The following BCAT1 variants were observed in gnomAD, a reference collection of about 807,000 sequenced individuals.
BCAT1 encodes branched chain amino acid transaminase 1, also known as branched-chain-amino-acid aminotransferase, cytosolic.
A neutral mutation model predicts 52.4 loss-of-function variants in BCAT1; 48 were observed. The ratio of observed to expected loss-of-function variants is 0.92; its 90% CI spans 0.73 to 1.16. BCAT1 has a LOEUF of 1.16. Ranked by LOEUF, BCAT1 falls within the 50% of genes most tolerant of loss-of-function variation. BCAT1 has a pLI of 0.00. For missense variants in BCAT1, 451 were observed against 457.1 expected (o/e 0.99, Z 0.12); for synonymous variants, 167 against 161.3 (o/e 1.04, Z -0.27).
chr12:24,892,129 C>T (rs1258014128), intron 3 of BCAT1, among the ~76,000 whole-genome samples: 1 of 151,378 alleles, frequency 6.6e-6, no homozygotes, highest in Non-Finnish European at 1.5e-5. Context: ...ATGTTGCAGC[C>T]CAGTAGGTCT....
intron 5 of BCAT1, among the ~76,000 whole-genome samples, chr12:24,854,261 T>G (rs1591809652): frequency 6.6e-6 from 1 of 152,230 alleles, no homozygotes; most frequent in Non-Finnish European, 1.5e-5. Flanking sequence ...TGTTTTGGCC[T>G]AGAAGCCAGA....
intron 5 of BCAT1, among the ~76,000 whole-genome samples, chr12:24,856,571 A>G (rs943886488): frequency 6.6e-6 from 1 of 152,186 alleles, no homozygotes; most frequent in African/African-American, 2.4e-5. Context: ...GGCCAGATAG[A>G]GGAAAGGCCC....
chr12:24,845,133 A>G (rs4963811), intron 6 of BCAT1, among the ~76,000 whole-genome samples: 145,723 of 150,896 alleles, frequency 0.97, 70,561 homozygotes, highest in East Asian at 1. Context: ...AGCACCACTC[A>G]CACCAGGGAG....
intron 3 of BCAT1, among the ~76,000 whole-genome samples, chr12:24,882,250 C>T (rs905423140): frequency 6.6e-6 from 1 of 152,098 alleles, no homozygotes; most frequent in Non-Finnish European, 1.5e-5. Context: ...TGACTGGACA[C>T]CATCCATATT....
chr12:24,926,931 G>A (rs1437993277), intron 1 of BCAT1, among the ~76,000 whole-genome samples: 16 of 150,500 alleles, frequency 1.1e-4, no homozygotes, highest in East Asian at 1.9e-4. Flanking sequence ...CCCCCTCTGC[G>A]AGAAACACCC....
chr12:24,831,642 C>T (rs1183540514), intron 9 of BCAT1, among the ~76,000 whole-genome samples: 1 of 152,056 alleles, frequency 6.6e-6, no homozygotes, highest in African/African-American at 2.4e-5. Context: ...GAGAAAGACC[C>T]CGTTTAAAAA....
intron 6 of BCAT1, among the ~76,000 whole-genome samples, chr12:24,843,329 C>A (rs1254751120): frequency 7.3e-6 from 1 of 136,942 alleles, no homozygotes; most frequent in Non-Finnish European, 1.6e-5. Flanking sequence ...TGAGGCCAGG[C>A]GCGGTGGCTT....
At chr12:24,847,587 G>T (rs1292347917) in intron 6 of BCAT1, among the ~76,000 whole-genome samples, 1 of 152,200 alleles carries the variant, frequency 6.6e-6, no homozygotes, top group Non-Finnish European at 1.5e-5. Context: ...GTGTGCACGT[G>T]TGCATGTGCA....
chr12:24,894,550 A>C (rs767626860), intron 2 of BCAT1, 75 bp from the exon 3 acceptor site: 4 of 1,207,708 alleles, frequency 3.3e-6, no homozygotes, highest in Non-Finnish European at 4.6e-6. Flanking sequence ...AGAGGGGAAA[A>C]AAAAAAAGGA....
chr12:24,867,536 A>ATGAT (rs763193285), intron 5 of BCAT1, among the ~76,000 whole-genome samples: 1 of 152,172 alleles, frequency 6.6e-6, no homozygotes, highest in Non-Finnish European at 1.5e-5. Context: ...TTAAAAACTT[A>ATGAT]TGATTTAGCA....
Position 24,894,354 on chromosome 12 carries a change from C to A in BCAT1, c.200G>T (p.Gly67Val), listed in dbSNP as rs750088243. The change falls in exon 3 of 11, where the codon GGA (glycine) becomes GTA (valine). Residue 67 changes from glycine to valine, a missense_variant. Coordinates refer to ENST00000261192, the MANE Select transcript of BCAT1 (RefSeq NM_005504.7). Reference sequence around the variant, plus strand: ...AGGCTTGATATGAGGTTTCTCCCATCCAAACTCTGAGGACCACTCCACCGT... The same window carrying A: ...AGGCTTGATATGAGGTTTCTCCCATACAAACTCTGAGGACCACTCCACCGT... Reference protein sequence around the residue: ...MLTVEWSSEFGWEKPHIKPLQ... With the variant: ...MLTVEWSSEFVWEKPHIKPLQ... The A allele has an allele frequency of 7.4e-6, 12 of 1,613,890 alleles. 1 individual carries two copies. The South Asian group carries it at 1.3e-4, about 18-fold the overall frequency.
chr12:24,878,757 A>G, intron 4 of BCAT1, 108 bp from the exon 5 acceptor site: 1 of 1,077,490 alleles, frequency 9.3e-7, no homozygotes, highest in South Asian at 2.0e-5. Flanking sequence ...TAATCCCAAC[A>G]CAAAAAAATA....
intron 10 of BCAT1, among the ~76,000 whole-genome samples, 188 bp downstream of exon 10, chr12:24,829,634 AT>A (rs1341941862): frequency 6.6e-6 from 1 of 151,992 alleles, no homozygotes; most frequent in East Asian, 1.9e-4. Context: ...CTTCTTTCCC[AT>A]TTCTGCTTTG....
intron 1 of BCAT1, among the ~76,000 whole-genome samples, chr12:24,932,560 G>T (rs930913919): frequency 9.2e-5 from 14 of 152,218 alleles, no homozygotes; most frequent in Non-Finnish European, 1.8e-4. Flanking sequence ...AGGATAAATT[G>T]TAATAATATT....
At chr12:24,856,007 T>C (rs1941669712) in intron 5 of BCAT1, among the ~76,000 whole-genome samples, 1 of 152,220 alleles carries the variant, frequency 6.6e-6, no homozygotes, top group Admixed American at 6.5e-5. Context: ...ACCTGTAACC[T>C]GTAAGCCCCT....
At chr12:24,944,663 T>C (rs115225599) in intron 1 of BCAT1, among the ~76,000 whole-genome samples, 5 of 152,270 alleles carry the variant, frequency 3.3e-5, no homozygotes, top group African/African-American at 1.2e-4. Context: ...GTAAATGCAA[T>C]TGATGAAACA....
chr12:24,845,981 C>G (rs1417624190), intron 6 of BCAT1, among the ~76,000 whole-genome samples: 1 of 152,154 alleles, frequency 6.6e-6, no homozygotes, highest in African/African-American at 2.4e-5. Flanking sequence ...TTTTACCCTA[C>G]CTGAAAATAA....
intron 1 of BCAT1, among the ~76,000 whole-genome samples, chr12:24,925,230 G>A (rs1269911126): frequency 6.6e-6 from 1 of 152,164 alleles, no homozygotes; most frequent in Non-Finnish European, 1.5e-5. Flanking sequence ...GTTTCCTGAA[G>A]AAGGAATTTG....
chr12:24,894,147 C>A, intron 3 of BCAT1, 128 bp downstream of exon 3: 2 of 822,890 alleles, frequency 2.4e-6, no homozygotes, highest in East Asian at 5.7e-5. Context: ...CTTTTAAAGA[C>A]ATTTTCGGCT....
Sources: allele counts gnomAD v4.1 joint callset (sites outside exome capture counted in the v4.1 genomes callset), GRCh38; gene constraint gnomAD v4.1.1; transcripts MANE v1.5; gene names NCBI Gene and HGNC (gene_info 2026-07-23, HGNC 2026-07-21).